ARFIP1: variants seen among roughly 807,000 people sequenced by gnomAD.
ARFIP1 encodes the protein arfaptin-1.
A neutral mutation model predicts 42.5 loss-of-function variants in ARFIP1; 24 were observed. That is an observed-to-expected ratio of 0.57 (90% CI 0.41 to 0.80). The LOEUF (loss-of-function observed/expected upper bound fraction) is 0.80. ARFIP1 is among the 30% of genes least tolerant of loss of function. ARFIP1 has a pLI of 0.00. For missense variants in ARFIP1, 354 were observed against 434.0 expected, an observed-to-expected ratio of 0.82 and a Z score of 1.64; for synonymous variants, 141 against 153.7, an observed-to-expected ratio of 0.92 and a Z score of 0.61.
chr4:152,788,856 C>A (rs1167115549), intron 1 of ARFIP1, among the ~76,000 whole-genome samples: 1 of 133,568 alleles, frequency 7.5e-6, no homozygotes, highest in Non-Finnish European at 1.5e-5. Context: ...AGCATATTAC[C>A]TTTAGTGGTC....
chr4:152,815,329 A>G (rs1729779341), intron 1 of ARFIP1, among the ~76,000 whole-genome samples: 1 of 152,110 alleles, frequency 6.6e-6, no homozygotes, highest in South Asian at 2.1e-4. Flanking sequence ...AGAGCTTTAG[A>G]TATTTACTGT....
At chr4:152,898,396 A>T (rs1737538610) in intron 8 of ARFIP1, among the ~76,000 whole-genome samples, 3 of 152,144 alleles carry the variant, frequency 2.0e-5, no homozygotes, top group Non-Finnish European at 2.9e-5. Context: ...AGATTAAAAC[A>T]TTCATAACTT....
intron 4 of ARFIP1, among the ~76,000 whole-genome samples, 168 bp downstream of exon 4, chr4:152,871,016 A>G (rs1219246894): frequency 6.6e-6 from 1 of 152,152 alleles, no homozygotes; most frequent in Non-Finnish European, 1.5e-5. Flanking sequence ...ACTGTATCCT[A>G]TCTTTGTGGC....
intron 8 of ARFIP1, among the ~76,000 whole-genome samples, chr4:152,904,176 G>GTATA (rs1435452275): frequency 1.9e-4 from 19 of 99,004 alleles, no homozygotes; most frequent in African/African-American, 6.8e-4. Flanking sequence ...ATATGTGTGT[G>GTATA]TGTGTATATA....
At chr4:152,898,809 A>G in intron 8 of ARFIP1, among the ~76,000 whole-genome samples, 1 of 152,192 alleles carries the variant, frequency 6.6e-6, no homozygotes, top group African/African-American at 2.4e-5. Flanking sequence ...GAAACCCTGG[A>G]TCATATGTTT....
Position 152,841,062 on chromosome 4 carries a change from C to T in ARFIP1, c.93+11336C>T, listed in dbSNP as rs569995370. Among the ~76,000 whole-genome samples the T allele has an allele frequency of 4.0e-5, 6 of 150,750 alleles. 1 individual carries two copies. Among genetic ancestry groups the T allele is most frequent in the East Asian group, 3.9e-4 (2 of 5,064 alleles). ...ATCTTTTTTTTTTAAGATGGAGTCT[C>T]GCCTCGCTCTGTTGCCAGGCTAGAG... On this transcript the variant is annotated intron_variant, in intron 2 of 8. Transcript: ENST00000353617.
intron 1 of ARFIP1, among the ~76,000 whole-genome samples, chr4:152,804,209 A>ATATAATATATAACATAACATG (rs1728725872): frequency 1.0e-4 from 12 of 117,676 alleles, no homozygotes; most frequent in Non-Finnish European, 1.8e-4. Context: ...CATGTATTAT[A>ATATAATATATAACATAACATG]TATTATATAT....
chr4:152,865,472 CTTTAT>C (rs1216835849), intron 3 of ARFIP1, among the ~76,000 whole-genome samples: 1 of 152,082 alleles, frequency 6.6e-6, no homozygotes, highest in Non-Finnish European at 1.5e-5. Flanking sequence ...TTGGCCAATA[CTTTAT>C]TTAAAGAACA....
At chr4:152,832,135 C>T (rs1474237138) in intron 2 of ARFIP1, among the ~76,000 whole-genome samples, 2 of 152,070 alleles carry the variant, frequency 1.3e-5, no homozygotes, top group Non-Finnish European at 1.5e-5. Flanking sequence ...TGAGTACATA[C>T]CCAAGAGTGA....
At chr4:152,841,486 C>A (rs1054956432) in intron 2 of ARFIP1, among the ~76,000 whole-genome samples, 5 of 151,858 alleles carry the variant, frequency 3.3e-5, no homozygotes, top group African/African-American at 1.2e-4. Flanking sequence ...TTTTATAGGA[C>A]CTGTATGATT....
Position 152,896,367 on chromosome 4 carries a change from G to A in ARFIP1, c.966+8060G>A, listed in dbSNP as rs554031864. Among the ~76,000 whole-genome samples the A allele has an allele frequency of 2.6e-5, 4 of 152,216 alleles. No homozygotes were observed. The East Asian group carries it at 7.7e-4, about 29-fold the overall frequency. ...AAGAACTCAATGGTTCAGCAGTAAA[G>A]GACTAATTGAATAAACTGGTTTTTT... On this transcript the variant is annotated intron_variant, in intron 8 of 8. Transcript: ENST00000353617.
At chr4:152,890,623 T>TA (rs945336470) in intron 8 of ARFIP1, among the ~76,000 whole-genome samples, 2 of 152,038 alleles carry the variant, frequency 1.3e-5, no homozygotes, top group Non-Finnish European at 2.9e-5. Flanking sequence ...GTCGGAAAAC[T>TA]AAAATGGGAA....
At chr4:152,886,555 C>T (rs1042659129) in intron 7 of ARFIP1, among the ~76,000 whole-genome samples, 4 of 151,960 alleles carry the variant, frequency 2.6e-5, no homozygotes, top group African/African-American at 9.7e-5. Context: ...CCAGCTTTTA[C>T]CATCCTTCAA....
At position 152,889,838 on chromosome 4, in the gene ARFIP1, ATATATATACTATATATAC is replaced by A. The variant is rs539861593; in HGVS notation, c.966+1549_966+1566del. Among the ~76,000 whole-genome samples, 8 of 108,730 alleles carry A rather than the reference ATATATATACTATATATAC, an allele frequency of 7.4e-5. No individual in the cohort carries two copies. The South Asian group carries it at 1.2e-3, about 16-fold the overall frequency. 71.3% of individuals were successfully genotyped at this position (108,730 alleles called of 152,430 possible). On this transcript the variant is annotated intron_variant, in intron 8 of 8. Transcript: ENST00000353617. The stretch of plus-strand genomic sequence containing the variant: ...ATATATACTATATATACTATATACT[ATATATATACTATATATAC>A]TATATATACTATATATATACTAATA...
intron 7 of ARFIP1, among the ~76,000 whole-genome samples, chr4:152,885,370 G>T (rs931038743): frequency 6.6e-6 from 1 of 151,966 alleles, no homozygotes; most frequent in African/African-American, 2.4e-5. Context: ...AGAAAATCTT[G>T]TAACAGCCCA....
intron 2 of ARFIP1, among the ~76,000 whole-genome samples, chr4:152,838,403 G>GTTTGT (rs1731820072): frequency 6.6e-6 from 1 of 152,194 alleles, no homozygotes; most frequent in Non-Finnish European, 1.5e-5. Context: ...ACCCATCCAT[G>GTTTGT]AGTATGGGAT....
At chr4:152,780,820 A>T (rs1372577491) in intron 1 of ARFIP1, among the ~76,000 whole-genome samples, 1 of 152,244 alleles carries the variant, frequency 6.6e-6, no homozygotes, top group African/African-American at 2.4e-5. Context: ...TGTCTAGGAA[A>T]AGGAAATAAT....
intron 1 of ARFIP1, among the ~76,000 whole-genome samples, chr4:152,803,987 T>A (rs1728633714): frequency 7.3e-6 from 1 of 136,648 alleles, no homozygotes; most frequent in South Asian, 2.1e-4. Flanking sequence ...ATATATATTT[T>A]ATATATATAA....
intron 1 of ARFIP1, among the ~76,000 whole-genome samples, chr4:152,818,682 C>T (rs375688183): frequency 5.3e-5 from 8 of 152,156 alleles, no homozygotes; most frequent in Non-Finnish European, 1.0e-4. Flanking sequence ...TGGTGTTTCT[C>T]GGAAACTGTG....
Sources: gnomAD v4.1 joint callset for allele counts (sites outside exome capture counted in the v4.1 genomes callset) on GRCh38, gnomAD v4.1.1 for gene constraint, MANE v1.5 for transcripts, NCBI Gene and HGNC (gene_info 2026-07-23, HGNC 2026-07-21) for gene names.